TIMP2: variants seen among roughly 807,000 people sequenced by gnomAD.
The protein encoded by TIMP2 is TIMP metallopeptidase inhibitor 2.
In TIMP2, 5 loss-of-function variants were observed where a neutral mutation model predicts 24.3. The observed-to-expected ratio is 0.21, with a 90% CI of 0.11 to 0.43. The LOEUF is 0.43. TIMP2 is among the 20% of genes least tolerant of loss of function. TIMP2 has a pLI of 1.00. For missense variants in TIMP2, 221 were observed against 297.5 expected, an observed-to-expected ratio of 0.74 and a Z score of 1.89; for synonymous variants, 130 against 123.2, an observed-to-expected ratio of 1.06 and a Z score of -0.37.
At chr17:78,871,278 C>T (rs1313297986) in intron 2 of TIMP2, among the ~76,000 whole-genome samples, 1 of 151,492 alleles carries the variant, frequency 6.6e-6, no homozygotes, top group South Asian at 2.1e-4. Context: ...GTAGCAAAAC[C>T]CTGTTTCTAC....
chr17:78,858,337 G>A (rs1310953793), intron 3 of TIMP2, among the ~76,000 whole-genome samples: 1 of 151,806 alleles, frequency 6.6e-6, no homozygotes, highest in Non-Finnish European at 1.5e-5. Context: ...CAGCTACTCA[G>A]GAGGCTGAGG....
chr17:78,891,795 G>T lies in TIMP2; in HGVS notation c.131-17876C>A, dbSNP rs1164834483. The T allele has an allele frequency of 6.4e-7, 1 of 1,551,002 alleles. No individual in the cohort carries two copies. The highest frequency in any genetic ancestry group is 8.7e-7 in the Non-Finnish European group (1 of 1,147,094). Reference sequence around the variant, plus strand: ...CTCCTCCGAGGATGGATGGCACAGCGGCCACCCCCAGACTTGGTCGAAGGT... The same window carrying T: ...CTCCTCCGAGGATGGATGGCACAGCTGCCACCCCCAGACTTGGTCGAAGGT... On this transcript the variant is annotated intron_variant, in intron 1 of 4. Coordinates refer to ENST00000262768, the MANE Select transcript of TIMP2 (RefSeq NM_003255.5). This position sits in a 1 kb window ranked among gnomAD's most constrained non-coding sequence, Gnocchi z 4.5.
chr17:78,855,525 G>A lies in TIMP2; in HGVS notation c.*142C>T, dbSNP rs7224825. ...CCACAACCATGTCTAAAAGGAGAAG[G>A]GGGGAGCAGAATCATATTAATTTGG... On this transcript the variant is annotated 3_prime_UTR_variant, in exon 5 of 5. Coordinates refer to ENST00000262768, the MANE Select transcript of TIMP2 (RefSeq NM_003255.5). The surrounding 1 kb of genome is among the most constrained non-coding windows in gnomAD (Gnocchi z 6.0). 2,682 of 995,526 alleles carry A rather than the reference G, an allele frequency of 2.7e-3. 41 individuals carry two copies. The African/African-American group carries it at 0.038, about 14-fold the overall frequency. The allele number at this position is 995,526 out of a possible 1,614,324, so 61.7% of individuals were successfully genotyped here.
rs2069514202 is a variant in TIMP2 at position 78,855,026 on chromosome 17, G to A, written c.*641C>T. The A allele has an allele frequency of 1.3e-5, 2 of 152,844 alleles. No homozygotes were observed. The highest frequency in any genetic ancestry group is 4.8e-5 in the African/African-American group (2 of 41,404). The allele number at this position is 152,844 out of a possible 1,614,324, so 9.5% of individuals were successfully genotyped here. ...GCTCCCATTTCTACAAGGCTCAGAGGGAGGCTCCCACTGGAATTCTGAGGA... is the reference window on the plus strand; with the variant it reads ...GCTCCCATTTCTACAAGGCTCAGAGAGAGGCTCCCACTGGAATTCTGAGGA... On this transcript the variant is annotated 3_prime_UTR_variant, in exon 5 of 5. Coordinates refer to ENST00000262768, the MANE Select transcript of TIMP2 (RefSeq NM_003255.5). The surrounding 1 kb of genome is among the most constrained non-coding windows in gnomAD (Gnocchi z 6.0).
Position 78,924,993 on chromosome 17 carries a change from C to T in TIMP2, c.96G>A (p.Val32=). ...RPADACSCSP[V]HPQQAFCNAD... ...CATTGCAAAACGCCTGTTGCGGGTG[C>T]ACCGGGGAGCAGCTGCAGGCGTCGG... is the stretch of plus-strand genomic sequence containing the variant. Residue 32 remains valine, a synonymous_variant, in exon 1 of 5, where the codon GTG becomes GTA. Transcript: ENST00000262768. The surrounding 1 kb of genome is among the most constrained non-coding windows in gnomAD (Gnocchi z 5.3). 1.5e-6 allele frequency: 2 copies of T among 1,301,696 alleles called. No individual in the cohort carries two copies. The highest frequency in any genetic ancestry group is 2.0e-6 in the Non-Finnish European group (2 of 1,015,144). The allele number at this position is 1,301,696 out of a possible 1,614,324, so 80.6% of individuals were successfully genotyped here. A position where few individuals can be genotyped will look rare whatever the true frequency, so the allele number is the denominator to read the frequency against.
chr17:78,925,167 G>T lies in TIMP2; in HGVS notation c.-79C>A. The T allele has an allele frequency of 1.9e-6, 1 of 528,784 alleles. No individual in the cohort carries two copies. Among genetic ancestry groups the T allele is most frequent in the Non-Finnish European group, 2.4e-6 (1 of 415,208 alleles). 32.8% of individuals were successfully genotyped at this position (528,784 alleles called of 1,614,324 possible). A position where few individuals can be genotyped will look rare whatever the true frequency, so the allele number is the denominator to read the frequency against. ...GCTCGCGGCGGCGGGCTGGGGGCGC[G>T]GGCGGGGGCTGAGCCGGGGCCGAGG... On this transcript the variant is annotated 5_prime_UTR_variant, in exon 1 of 5. Transcript: ENST00000262768.
intron 1 of TIMP2, among the ~76,000 whole-genome samples, chr17:78,888,005 C>CA (rs1338536837): frequency 6.6e-6 from 1 of 151,784 alleles, no homozygotes; most frequent in Non-Finnish European, 1.5e-5. Flanking sequence ...GTGCCGAGGC[C>CA]AAAAAACCTA....
rs371442476 is a variant in TIMP2 at position 78,896,841 on chromosome 17, C to T, written c.131-22922G>A. The T allele has an allele frequency of 1.9e-5, 16 of 820,986 alleles. No individual in the cohort carries two copies. In the South Asian group the frequency reaches 7.7e-4, roughly 40 times the overall value. The allele number at this position is 820,986 out of a possible 1,614,324, so 50.9% of individuals were successfully genotyped here. ...GCTCTCTACAGCCCCGTGGCCCCAG[C>T]GCAGGAGCCAGCCCATGGCAGCTCC... is the stretch of plus-strand genomic sequence containing the variant. On this transcript the variant is annotated intron_variant, in intron 1 of 4. Coordinates refer to ENST00000262768, the MANE Select transcript of TIMP2 (RefSeq NM_003255.5). This position sits in a 1 kb window ranked among gnomAD's most constrained non-coding sequence, Gnocchi z 4.4.
intron 1 of TIMP2, among the ~76,000 whole-genome samples, chr17:78,879,423 T>C (rs1036272357): frequency 6.6e-6 from 1 of 152,132 alleles, no homozygotes; most frequent in Admixed American, 6.5e-5. Context: ...CGAAGAGACA[T>C]AAGGAATCTG....
At chr17:78,890,554 C>T in intron 1 of TIMP2, 1 of 1,423,812 alleles carries the variant, frequency 7.0e-7, no homozygotes, top group East Asian at 2.5e-5. Context: ...GGCAATGACG[C>T]AAACACAGAT....
chr17:78,870,473 C>T (rs1416367227), intron 3 of TIMP2, among the ~76,000 whole-genome samples: 1 of 150,922 alleles, frequency 6.6e-6, no homozygotes, highest in Non-Finnish European at 1.5e-5. Context: ...AACATGGCTA[C>T]ATTTTGTTAC....
At chr17:78,869,344 C>G (rs563759173) in intron 3 of TIMP2, among the ~76,000 whole-genome samples, 1 of 150,520 alleles carries the variant, frequency 6.6e-6, no homozygotes, top group South Asian at 2.1e-4. Context: ...GATCACTTGA[C>G]CCCAGGAGAT....
intron 1 of TIMP2, chr17:78,892,179 G>A (rs544853919): frequency 5.5e-5 from 85 of 1,550,948 alleles, no homozygotes; most frequent in East Asian, 3.2e-4. Context: ...TCAGCCAAGC[G>A]CTGGAGCTGG....
chr17:78,857,419 C>T (rs1423976139), intron 4 of TIMP2, 103 bp downstream of exon 4: 3 of 1,492,004 alleles, frequency 2.0e-6, no homozygotes, highest in Admixed American at 3.5e-5. Context: ...AGATCAGGAG[C>T]CGGGGATTAA....
chr17:78,909,280 A>C (rs9899683), intron 1 of TIMP2, among the ~76,000 whole-genome samples: 4,965 of 152,044 alleles, frequency 0.033, 281 homozygotes, highest in African/African-American at 0.11. Context: ...GCTTGAGCCC[A>C]GGTGGTTAAA....
intron 1 of TIMP2, among the ~76,000 whole-genome samples, chr17:78,913,505 G>A (rs1002317835): frequency 2.6e-5 from 4 of 152,132 alleles, no homozygotes; most frequent in Non-Finnish European, 5.9e-5. Context: ...GAGCCCAGGC[G>A]TTCAAGACCA....
At chr17:78,916,887 C>A (rs563336058) in intron 1 of TIMP2, among the ~76,000 whole-genome samples, 1 of 152,186 alleles carries the variant, frequency 6.6e-6, no homozygotes, top group Non-Finnish European at 1.5e-5. Context: ...GACCTTTCCT[C>A]GGGGCTTATC....
intron 3 of TIMP2, among the ~76,000 whole-genome samples, chr17:78,866,424 T>A (rs2069616918): frequency 6.6e-6 from 1 of 151,988 alleles, no homozygotes; most frequent in Non-Finnish European, 1.5e-5. Flanking sequence ...TCATAGATAA[T>A]ACTGGGCGTG....
At position 78,854,933 on chromosome 17, in the gene TIMP2, G is replaced by GGGGGGGGGGGGGGGC. The variant is rs2069512830; in HGVS notation, c.*733_*734insGCCCCCCCCCCCCCC. ...GGGAGCATGTGGGCGGGGGGGGGGG[G>GGGGGGGGGGGGGGGC]GTGGGGGGGTGGGTGCAGACCAAAA... On this transcript the variant is annotated 3_prime_UTR_variant, in exon 5 of 5. Transcript: ENST00000262768. 1.2e-5 allele frequency: 1 copy of GGGGGGGGGGGGGGGC among 85,508 alleles called. No individual in the cohort carries two copies. The highest frequency in any genetic ancestry group is 2.4e-5 in the Non-Finnish European group (1 of 42,282). The allele number at this position is 85,508 out of a possible 1,614,324, so 5.3% of individuals were successfully genotyped here. A position where few individuals can be genotyped will look rare whatever the true frequency, so the allele number is the denominator to read the frequency against.
Sources: allele counts gnomAD v4.1 joint callset (sites outside exome capture counted in the v4.1 genomes callset), GRCh38; gene constraint gnomAD v4.1.1; non-coding constraint Gnocchi (gnomAD v3.1); transcripts MANE v1.5; gene names NCBI Gene and HGNC (gene_info 2026-07-23, HGNC 2026-07-21).